Variants in RABGAP1L observed in about 807,000 individuals in gnomAD.
The protein encoded by RABGAP1L is RAB GTPase activating protein 1 like.
A neutral mutation model predicts 137.7 loss-of-function variants in RABGAP1L; 63 were observed. The observed-to-expected ratio is 0.46, with a 90% CI of 0.37 to 0.56. The LOEUF (loss-of-function observed/expected upper bound fraction) is 0.56, where lower values mean the gene tolerates loss of function less well. Ranked by LOEUF, RABGAP1L falls within the 20% of genes least tolerant of loss-of-function variation. The pLI, the probability that RABGAP1L is intolerant of heterozygous loss-of-function variation, is 0.00. For missense variants in RABGAP1L, 1,095 were observed against 1,244.0 expected (o/e 0.88, Z 1.80); for synonymous variants, 431 against 433.7 (o/e 0.99, Z 0.08).
At chr1:174,689,436 C>G (rs1189372335) in intron 15 of RABGAP1L, among the ~76,000 whole-genome samples, 1 of 151,924 alleles carries the variant, frequency 6.6e-6, no homozygotes, top group Non-Finnish European at 1.5e-5. Context: ...ACTGGGAAAT[C>G]TAGGGTCAGA....
At chr1:174,679,641 T>C (rs550410305) in intron 14 of RABGAP1L, among the ~76,000 whole-genome samples, 1 of 152,284 alleles carries the variant, frequency 6.6e-6, no homozygotes, top group Non-Finnish European at 1.5e-5. Flanking sequence ...GAAGTAAAAC[T>C]AACATTCACA....
chr1:174,471,199 ATCT>A (rs1157074084), intron 13 of RABGAP1L, among the ~76,000 whole-genome samples: 1 of 152,142 alleles, frequency 6.6e-6, no homozygotes, highest in African/African-American at 2.4e-5. Context: ...TTACTTACCC[ATCT>A]TCTTATTGAA....
At chr1:174,330,435 A>C (rs1287770538) in intron 11 of RABGAP1L, among the ~76,000 whole-genome samples, 3 of 152,142 alleles carry the variant, frequency 2.0e-5, no homozygotes, top group Non-Finnish European at 4.4e-5. Context: ...AAATAAAAAA[A>C]TTAATAGGGC....
Position 174,275,806 on chromosome 1 carries a change from C to A in RABGAP1L, c.1054-27C>A, listed in dbSNP as rs1394638398. ...TAGTGATTTTTTTGATGTCTTTTATCAGTAATTACTGTTTGAATTTTTATA... is the reference window on the plus strand; with the variant it reads ...TAGTGATTTTTTTGATGTCTTTTATAAGTAATTACTGTTTGAATTTTTATA... On this transcript the variant is annotated intron_variant, in intron 8 of 25. Coordinates refer to ENST00000681986, the MANE Select transcript of RABGAP1L (RefSeq NM_001366446.1). The A allele has an allele frequency of 4.0e-6, 6 of 1,516,102 alleles. No homozygotes were observed. The African/African-American group carries it at 8.3e-5, about 21-fold the overall frequency. 93.9% of individuals were successfully genotyped at this position (1,516,102 alleles called of 1,614,324 possible). A position where few individuals can be genotyped will look rare whatever the true frequency, so the allele number is the denominator to read the frequency against.
In RABGAP1L at chr1:174,194,338, G is replaced by A. The variant is rs561682276; in HGVS notation, c.-33-24787G>A. 9.9e-5 allele frequency among the ~76,000 whole-genome samples: 15 copies of A among 151,488 alleles called. No individual in the cohort carries two copies. The South Asian group carries it at 2.9e-3, about 30-fold the overall frequency. ...AAACCTCTGCCTCCTGGGTTCAAGCGATTCTCCTGCCCCAGCCTCCTAAGT... is the reference window on the plus strand; with the variant it reads ...AAACCTCTGCCTCCTGGGTTCAAGCAATTCTCCTGCCCCAGCCTCCTAAGT... On this transcript the variant is annotated intron_variant, in intron 1 of 25. Transcript: ENST00000681986.
chr1:174,374,147 T>G (rs1013266503), intron 12 of RABGAP1L, among the ~76,000 whole-genome samples: 4 of 152,210 alleles, frequency 2.6e-5, no homozygotes, highest in African/African-American at 9.7e-5. Flanking sequence ...AGCGTATGCA[T>G]TGATACCACA....
intron 4 of RABGAP1L, among the ~76,000 whole-genome samples, chr1:174,234,849 A>G (rs1302583763): frequency 6.9e-6 from 1 of 144,824 alleles, no homozygotes; most frequent in Non-Finnish European, 1.5e-5. Context: ...TCTGTAAATT[A>G]CCTTGGGCAG....
At chr1:174,867,431 G>A (rs555811128) in intron 19 of RABGAP1L, among the ~76,000 whole-genome samples, 20 of 152,170 alleles carry the variant, frequency 1.3e-4, no homozygotes, top group South Asian at 6.2e-4. Context: ...ACAACATTAA[G>A]AGCAAAATAC....
chr1:174,981,812 T>C (rs951208938), intron 23 of RABGAP1L, among the ~76,000 whole-genome samples: 2 of 152,160 alleles, frequency 1.3e-5, no homozygotes, highest in Admixed American at 1.3e-4. Flanking sequence ...TAGCACCTTA[T>C]TTCAGAATCA....
chr1:174,634,784 C>G (rs1424670438), intron 13 of RABGAP1L, among the ~76,000 whole-genome samples: 1 of 145,042 alleles, frequency 6.9e-6, no homozygotes, highest in African/African-American at 2.7e-5. Context: ...ATTGCAAGAA[C>G]AAAAAAGCAA....
chr1:174,225,549 G>A (rs978158389), intron 3 of RABGAP1L, among the ~76,000 whole-genome samples: 4 of 140,280 alleles, frequency 2.9e-5, no homozygotes, highest in African/African-American at 1.1e-4. Context: ...TGTCCAAACT[G>A]CAAGATCTGT....
intron 19 of RABGAP1L, among the ~76,000 whole-genome samples, chr1:174,883,392 G>A (rs1322974281): frequency 6.6e-6 from 1 of 152,222 alleles, no homozygotes; most frequent in African/African-American, 2.4e-5. Context: ...GAAGTGGGAT[G>A]AATAGATAAG....
At chr1:174,391,517 G>A (rs934089648) in intron 12 of RABGAP1L, among the ~76,000 whole-genome samples, 1 of 151,944 alleles carries the variant, frequency 6.6e-6, no homozygotes, top group African/African-American at 2.4e-5. Flanking sequence ...CTAGAGATGA[G>A]GTTTTGCCAT....
intron 13 of RABGAP1L, among the ~76,000 whole-genome samples, chr1:174,452,546 T>A (rs1463538681): frequency 7.1e-6 from 1 of 141,310 alleles, no homozygotes; most frequent in Non-Finnish European, 1.5e-5. Context: ...GTAGCTGCTG[T>A]TTTTGTTTTG....
intron 4 of RABGAP1L, among the ~76,000 whole-genome samples, chr1:174,234,480 C>A (rs1387995223): frequency 6.8e-6 from 1 of 145,990 alleles, no homozygotes; most frequent in Non-Finnish European, 1.5e-5. Context: ...CAGCTTCCTA[C>A]ATATGGCTAT....
intron 11 of RABGAP1L, among the ~76,000 whole-genome samples, chr1:174,330,713 T>C (rs1042803577): frequency 6.6e-6 from 1 of 152,216 alleles, no homozygotes; most frequent in Admixed American, 6.5e-5. Flanking sequence ...TTGAAAGATA[T>C]ATCATGTTCA....
At chr1:174,551,767 T>G (rs1255356032) in intron 13 of RABGAP1L, among the ~76,000 whole-genome samples, 1 of 144,786 alleles carries the variant, frequency 6.9e-6, no homozygotes, top group African/African-American at 2.7e-5. Flanking sequence ...GAAAAAAAAA[T>G]TAATAAAATT....
At chr1:174,759,509 C>G (rs1461268549) in intron 18 of RABGAP1L, among the ~76,000 whole-genome samples, 4 of 151,368 alleles carry the variant, frequency 2.6e-5, no homozygotes, top group Non-Finnish European at 5.9e-5. Flanking sequence ...GCAGGAGAAT[C>G]TCTTGAACCT....
chr1:174,208,702 T>TA, intron 1 of RABGAP1L, among the ~76,000 whole-genome samples: 1 of 152,226 alleles, frequency 6.6e-6, no homozygotes, highest in Non-Finnish European at 1.5e-5. Flanking sequence ...TCATTATAGA[T>TA]ATGGATGTAT....
Sources: gnomAD v4.1 joint callset for allele counts (sites outside exome capture counted in the v4.1 genomes callset) on GRCh38, gnomAD v4.1.1 for gene constraint, MANE v1.5 for transcripts, NCBI Gene and HGNC (gene_info 2026-07-23, HGNC 2026-07-21) for gene names.